CNTN4: variants seen among roughly 807,000 people sequenced by gnomAD.
CNTN4 encodes the protein contactin-4.
CNTN4 carries 77 observed loss-of-function variants against 122.5 expected under a neutral mutation model. That is an observed-to-expected ratio of 0.63 (90% CI 0.52 to 0.76). CNTN4 has a LOEUF of 0.76. Among genes scored for constraint, CNTN4 ranks in the 30% least tolerant of loss-of-function variants. The pLI, the probability that CNTN4 is intolerant of heterozygous loss-of-function variation, is 0.00. For missense variants in CNTN4, 1,256 were observed against 1,259.1 expected (o/e 1.00, Z 0.04); for synonymous variants, 512 against 447.0 (o/e 1.15, Z -1.83).
chr3:2,156,504 G>A (rs2035726743), intron 2 of CNTN4, among the ~76,000 whole-genome samples: 1 of 152,152 alleles, frequency 6.6e-6, no homozygotes, highest in Non-Finnish European at 1.5e-5. Flanking sequence ...GGATGTCCTC[G>A]GCGGACTTCC....
chr3:2,788,424 A>T (rs1225365720), intron 6 of CNTN4, among the ~76,000 whole-genome samples: 1 of 152,234 alleles, frequency 6.6e-6, no homozygotes, highest in East Asian at 1.9e-4. Context: ...GAATTTGGAG[A>T]TAGAAATAAT....
chr3:2,313,174 A>T (rs1020975653), intron 2 of CNTN4, among the ~76,000 whole-genome samples: 1 of 152,140 alleles, frequency 6.6e-6, no homozygotes, highest in Admixed American at 6.6e-5. Context: ...GATTAGATAG[A>T]TCCAAGAACT....
intron 2 of CNTN4, among the ~76,000 whole-genome samples, chr3:2,334,393 A>G (rs1236855622): frequency 6.6e-6 from 1 of 152,090 alleles, no homozygotes; most frequent in Non-Finnish European, 1.5e-5. Context: ...TTCTTACCTC[A>G]AGTGATCTGC....
chr3:2,325,150 T>C (rs1052508022), intron 2 of CNTN4, among the ~76,000 whole-genome samples: 3 of 151,940 alleles, frequency 2.0e-5, no homozygotes, highest in Non-Finnish European at 4.4e-5. Context: ...TACAGTGGAG[T>C]TTTCCAGAGG....
At chr3:2,947,178 A>C (rs2094687755) in intron 13 of CNTN4, among the ~76,000 whole-genome samples, 1 of 152,232 alleles carries the variant, frequency 6.6e-6, no homozygotes, top group South Asian at 2.1e-4. Context: ...GTAAAAATAA[A>C]AGCAGAATAT....
chr3:2,813,467 A>G (rs1285708585), intron 6 of CNTN4, among the ~76,000 whole-genome samples: 2 of 152,116 alleles, frequency 1.3e-5, no homozygotes, highest in African/African-American at 4.8e-5. Flanking sequence ...TGGTTACTGT[A>G]TCATTTTTCC....
intron 3 of CNTN4, among the ~76,000 whole-genome samples, chr3:2,454,753 A>T (rs909506589): frequency 2.0e-5 from 3 of 151,038 alleles, no homozygotes; most frequent in Admixed American, 6.6e-5. Flanking sequence ...CTCCTCTAGG[A>T]TACCTTTCAT....
chr3:2,600,345 C>T (rs1160405865), intron 4 of CNTN4, among the ~76,000 whole-genome samples: 6 of 151,966 alleles, frequency 3.9e-5, no homozygotes, highest in African/African-American at 1.5e-4. Flanking sequence ...AATACTGTTC[C>T]TTCCCCTCCC....
At position 2,491,163 on chromosome 3, in the gene CNTN4, A is replaced by G. The variant is rs73000011; in HGVS notation, c.-88-80253A>G. ...GCCTAATATATCTCTTTTCTCCTCC[A>G]TATCACCCAGCACATAGTACGTACT... is the stretch of plus-strand genomic sequence containing the variant. On this transcript the variant is annotated intron_variant, in intron 3 of 24. Coordinates refer to ENST00000418658, the MANE Select transcript of CNTN4 (RefSeq NM_175607.3). Among the ~76,000 whole-genome samples the G allele has an allele frequency of 6.0e-3, 909 of 152,272 alleles. 6 individuals are homozygous for G. Among genetic ancestry groups the G allele is most frequent in the South Asian group, 0.012 (57 of 4,828 alleles).
chr3:2,982,859 A>G (rs1694156871), intron 13 of CNTN4, among the ~76,000 whole-genome samples: 1 of 152,184 alleles, frequency 6.6e-6, no homozygotes, highest in East Asian at 1.9e-4. Flanking sequence ...TATAATCATC[A>G]AAAGTAATGA....
At chr3:2,650,227 G>A (rs917821803) in intron 4 of CNTN4, among the ~76,000 whole-genome samples, 4 of 151,990 alleles carry the variant, frequency 2.6e-5, no homozygotes, top group African/African-American at 9.6e-5. Flanking sequence ...TTCAATGGAG[G>A]AAGCAACTGC....
intron 4 of CNTN4, among the ~76,000 whole-genome samples, chr3:2,612,282 A>C (rs926314874): frequency 6.6e-6 from 1 of 152,152 alleles, no homozygotes; most frequent in African/African-American, 2.4e-5. Flanking sequence ...TAACTTAAAC[A>C]TAATGAGATC....
At chr3:2,581,541 T>C (rs1197913929) in intron 4 of CNTN4, among the ~76,000 whole-genome samples, 1 of 152,178 alleles carries the variant, frequency 6.6e-6, no homozygotes, top group Non-Finnish European at 1.5e-5. Flanking sequence ...ATAAGGTAAA[T>C]ACTGTTTTAA....
At chr3:2,388,896 G>A (rs1006943625) in intron 3 of CNTN4, among the ~76,000 whole-genome samples, 3 of 150,044 alleles carry the variant, frequency 2.0e-5, no homozygotes, top group African/African-American at 7.3e-5. Context: ...AGTGTCTCAC[G>A]CCTGTAATCC....
intron 2 of CNTN4, among the ~76,000 whole-genome samples, chr3:2,127,601 TCTTCA>T (rs1380843753): frequency 1.3e-5 from 2 of 152,176 alleles, no homozygotes; most frequent in African/African-American, 4.8e-5. Flanking sequence ...AATTTGAGTA[TCTTCA>T]CTTTTTACAC....
chr3:3,020,382 C>T (rs1225097466), intron 14 of CNTN4, among the ~76,000 whole-genome samples: 1 of 152,156 alleles, frequency 6.6e-6, no homozygotes, highest in Non-Finnish European at 1.5e-5. Context: ...TTTTGCACAA[C>T]AATGCACTAG....
At chr3:2,923,457 A>G (rs112944317) in intron 12 of CNTN4, among the ~76,000 whole-genome samples, 18 of 152,310 alleles carry the variant, frequency 1.2e-4, no homozygotes, top group African/African-American at 4.1e-4. Context: ...GGATTTGTTC[A>G]GGTATTTTAC....
chr3:2,534,656 T>G (rs1433919032), intron 3 of CNTN4, among the ~76,000 whole-genome samples: 1 of 151,880 alleles, frequency 6.6e-6, no homozygotes, highest in African/African-American at 2.4e-5. Context: ...GGCTGTGACT[T>G]CAGAGCCTTG....
At chr3:2,244,332 G>A (rs1024226852) in intron 2 of CNTN4, among the ~76,000 whole-genome samples, 2 of 151,996 alleles carry the variant, frequency 1.3e-5, no homozygotes, top group Non-Finnish European at 2.9e-5. Flanking sequence ...AACTGAAGCT[G>A]TGGAAAGCAA....
Sources: gnomAD v4.1 joint callset for allele counts (sites outside exome capture counted in the v4.1 genomes callset) on GRCh38, gnomAD v4.1.1 for gene constraint, MANE v1.5 for transcripts, NCBI Gene and HGNC (gene_info 2026-07-23, HGNC 2026-07-21) for gene names.